RBFOX1: variants seen among roughly 807,000 people sequenced by gnomAD.
RBFOX1 encodes the protein RNA binding fox-1 homolog 1, also known as RNA binding protein fox-1 homolog 1.
Under a neutral mutation model 57.7 loss-of-function variants are expected in RBFOX1, and 8 were observed. That is an observed-to-expected ratio of 0.14 (90% CI 0.08 to 0.25). The LOEUF (loss-of-function observed/expected upper bound fraction) is 0.25, where lower values mean the gene tolerates loss of function less well. Ranked by LOEUF, RBFOX1 falls within the 10% of genes least tolerant of loss-of-function variation. RBFOX1 has a pLI of 1.00. For synonymous variants in RBFOX1, 326 were observed against 222.4 expected (o/e 1.47, Z -4.15); for missense variants, 611 against 548.5 (o/e 1.11, Z -1.14).
chr16:7,150,583 G>A (rs184122384), intron 4 of RBFOX1, among the ~76,000 whole-genome samples: 19 of 152,268 alleles, frequency 1.2e-4, no homozygotes, highest in Non-Finnish European at 2.5e-4. Context: ...ATTACATTAC[G>A]TGGCTCACTT....
chr16:5,974,982 T>C (rs1279171097), intron 4 of RBFOX1, among the ~76,000 whole-genome samples: 1 of 152,136 alleles, frequency 6.6e-6, no homozygotes, highest in Non-Finnish European at 1.5e-5. Context: ...CACTCCAGCC[T>C]GGGCAACAAG....
At position 5,418,203 on chromosome 16, in the gene RBFOX1, G is replaced by C. The variant is rs376865707; in HGVS notation, c.220-49013G>C. Among the ~76,000 whole-genome samples, 51 of 152,296 alleles carry C rather than the reference G, an allele frequency of 3.3e-4. No individual in the cohort carries two copies. The South Asian group carries it at 0.01, about 30-fold the overall frequency. On this transcript the variant is annotated intron_variant, in intron 1 of 2. Coordinates refer to the RBFOX1 transcript ENST00000585867. ...ATCTTTAAAAGCAGGAATAATTAAT[G>C]GTCAATAGTGTAGTTATTGGCAAGC...
chr16:7,346,022 C>T (rs1374012160), intron 4 of RBFOX1, among the ~76,000 whole-genome samples: 4 of 152,126 alleles, frequency 2.6e-5, no homozygotes, highest in Non-Finnish European at 4.4e-5. Flanking sequence ...GTTCCCCTTC[C>T]TGTGTCCAAG....
At chr16:7,107,809 G>C (rs1003459117) in intron 4 of RBFOX1, among the ~76,000 whole-genome samples, 3 of 152,010 alleles carry the variant, frequency 2.0e-5, no homozygotes, top group African/African-American at 7.2e-5. Context: ...GTCTTTTTGT[G>C]TCTGAAAAGG....
rs368850770 is a variant in RBFOX1, at chr16:7,149,379, C to T, written c.27+97281C>T. On this transcript the variant is annotated intron_variant, in intron 4 of 15. Transcript: ENST00000550418. Reference sequence around the variant, plus strand: ...TAATCATAAAAGTACATCCATTGATCCCCCACTCCATTCCCACTGGTGAGA... The same window carrying T: ...TAATCATAAAAGTACATCCATTGATTCCCCACTCCATTCCCACTGGTGAGA... Among the ~76,000 whole-genome samples the T allele has an allele frequency of 9.2e-5, 14 of 152,190 alleles. No individual in the cohort carries two copies. The East Asian group carries it at 2.1e-3, about 23-fold the overall frequency.
At chr16:6,978,622 C>T (rs79015862) in intron 3 of RBFOX1, among the ~76,000 whole-genome samples, 10,600 of 152,196 alleles carry the variant, frequency 0.07, 436 homozygotes, top group South Asian at 0.18. Context: ...CATATTTTCT[C>T]TTGTAATCGT....
intron 2 of RBFOX1, among the ~76,000 whole-genome samples, chr16:5,498,342 C>T (rs1399239388): frequency 2.0e-5 from 3 of 152,128 alleles, no homozygotes; most frequent in Non-Finnish European, 2.9e-5. Context: ...CAGGGTTTCA[C>T]CATGTTGGCC....
At chr16:6,778,359 G>A (rs2079749151) in intron 3 of RBFOX1, among the ~76,000 whole-genome samples, 1 of 152,176 alleles carries the variant, frequency 6.6e-6, no homozygotes, top group African/African-American at 2.4e-5. Context: ...AAAACTCATA[G>A]CCAATCATGT....
At chr16:7,081,494 A>T (rs2059192112) in intron 4 of RBFOX1, among the ~76,000 whole-genome samples, 1 of 152,186 alleles carries the variant, frequency 6.6e-6, no homozygotes, top group African/African-American at 2.4e-5. Flanking sequence ...TCACCTCCCA[A>T]GGCTAGAAAA....
intron 3 of RBFOX1, among the ~76,000 whole-genome samples, chr16:7,032,144 G>A (rs7194692): frequency 0.14 from 21,725 of 152,004 alleles, 2,911 homozygotes; most frequent in African/African-American, 0.33. Context: ...TCTTATCTTG[G>A]CGGGGTGCGG....
chr16:6,408,303 C>CAG (rs1247956879), intron 2 of RBFOX1, among the ~76,000 whole-genome samples: 3 of 152,132 alleles, frequency 2.0e-5, no homozygotes, highest in Non-Finnish European at 4.4e-5. Flanking sequence ...AGGCCCTTTA[C>CAG]AGAGGTCTGT....
chr16:6,811,591 A>G (rs1347702595), intron 3 of RBFOX1, among the ~76,000 whole-genome samples: 1 of 152,200 alleles, frequency 6.6e-6, no homozygotes, highest in East Asian at 1.9e-4. Flanking sequence ...GGGTGCTAGC[A>G]TGGAAAAGGC....
chr16:7,097,660 G>A (rs907593774), intron 4 of RBFOX1, among the ~76,000 whole-genome samples: 1 of 152,094 alleles, frequency 6.6e-6, no homozygotes. Flanking sequence ...GGGCCTCTCT[G>A]CATCTGGTTT....
intron 4 of RBFOX1, among the ~76,000 whole-genome samples, chr16:7,215,598 T>C (rs756762020): frequency 2.0e-4 from 31 of 152,146 alleles, no homozygotes; most frequent in Admixed American, 5.9e-4. Flanking sequence ...CATGACCACA[T>C]TCTAAATTTA....
At chr16:5,821,385 C>A (rs1382230212) in intron 3 of RBFOX1, among the ~76,000 whole-genome samples, 1 of 150,360 alleles carries the variant, frequency 6.7e-6, no homozygotes, top group Non-Finnish European at 1.5e-5. Context: ...TCACTGTAGC[C>A]TTTGACTCCT....
At position 6,019,479 on chromosome 16, in the gene RBFOX1, C is replaced by T; in HGVS notation, c.-640C>T. 6.0e-6 allele frequency: 6 copies of T among 1,004,384 alleles called. No individual in the cohort carries two copies. Among genetic ancestry groups the T allele is most frequent in the Non-Finnish European group, 7.1e-6 (6 of 842,718 alleles). The allele number at this position is 1,004,384 out of a possible 1,614,324, so 62.2% of individuals were successfully genotyped here. On this transcript the variant is annotated 5_prime_UTR_variant, in exon 1 of 16. Coordinates refer to ENST00000550418, the MANE Select transcript of RBFOX1 (RefSeq NM_018723.4). The surrounding 1 kb of genome is among the most constrained non-coding windows in gnomAD (Gnocchi z 4.2). ...CGAACTCGCGGAGGGGAATCCCTCCCCCTCCGCCCCAGCCCCCCAGCAGCA... is the reference window on the plus strand; with the variant it reads ...CGAACTCGCGGAGGGGAATCCCTCCTCCTCCGCCCCAGCCCCCCAGCAGCA...
At chr16:6,381,238 C>T (rs548933656) in intron 2 of RBFOX1, among the ~76,000 whole-genome samples, 1 of 152,128 alleles carries the variant, frequency 6.6e-6, no homozygotes, top group Non-Finnish European at 1.5e-5. Flanking sequence ...GCATATATTG[C>T]GTAGTGATGA....
chr16:7,694,332 A>G (rs2159321), intron 14 of RBFOX1, among the ~76,000 whole-genome samples: 152,322 of 152,326 alleles, frequency 1, 76,159 homozygotes, highest in Middle Eastern at 1. Flanking sequence ...CTGCAGTAAA[A>G]AAAGGCTTAT....
intron 4 of RBFOX1, among the ~76,000 whole-genome samples, chr16:7,443,524 C>G (rs186455063): frequency 9.9e-5 from 15 of 151,892 alleles, no homozygotes; most frequent in Admixed American, 9.8e-4. Flanking sequence ...AGATATGAAC[C>G]CAACAACCTT....
Sources: allele counts gnomAD v4.1 joint callset (sites outside exome capture counted in the v4.1 genomes callset), GRCh38; gene constraint gnomAD v4.1.1; non-coding constraint Gnocchi (gnomAD v3.1); transcripts MANE v1.5; gene names NCBI Gene and HGNC (gene_info 2026-07-23, HGNC 2026-07-21).